The following DGKD variants were observed in gnomAD, a reference collection of about 807,000 sequenced individuals.
DGKD encodes diacylglycerol kinase delta.
DGKD carries 68 observed loss-of-function variants against 154.4 expected under a neutral mutation model. That is an observed-to-expected ratio of 0.44 (90% CI 0.36 to 0.54). The LOEUF (loss-of-function observed/expected upper bound fraction) is 0.54. Among genes scored for constraint, DGKD ranks in the 20% least tolerant of loss-of-function variants. The probability of loss-of-function intolerance (pLI) is 0.00; values close to 1 mark genes in which losing one functional copy is unlikely to be tolerated. For synonymous variants in DGKD, 693 were observed against 638.0 expected (o/e 1.09, Z -1.30); for missense variants, 1,343 against 1,593.6 (o/e 0.84, Z 2.68).
intron 12 of DGKD, chr2:233,447,448 C>T (rs2063118611): frequency 1.0e-6 from 1 of 983,314 alleles, no homozygotes; most frequent in Non-Finnish European, 1.2e-6. Context: ...GGCCTGCAGG[C>T]CAGATGTGCC....
At chr2:233,421,199 C>T (rs960473090) in intron 3 of DGKD, among the ~76,000 whole-genome samples, 5 of 152,132 alleles carry the variant, frequency 3.3e-5, no homozygotes, top group Admixed American at 6.5e-5. Context: ...CTGGCCCTGC[C>T]GCCACCCCAG....
At chr2:233,437,315 G>A in intron 7 of DGKD, 62 bp from the exon 8 acceptor site, 1 of 1,488,566 alleles carries the variant, frequency 6.7e-7, no homozygotes, top group Non-Finnish European at 9.4e-7. Flanking sequence ...CAGGGCAGGA[G>A]GATTTCTGGT....
chr2:233,360,445 G>A (rs960753282), intron 1 of DGKD, among the ~76,000 whole-genome samples: 3 of 152,044 alleles, frequency 2.0e-5, no homozygotes, highest in Admixed American at 6.5e-5. Flanking sequence ...ATGGAGACGA[G>A]GGTCTCACTA....
Position 233,445,564 on chromosome 2 carries a change from TG to T in DGKD, c.1195-56del, listed in dbSNP as rs1031149588. 24 of 1,528,472 alleles carry T rather than the reference TG, an allele frequency of 1.6e-5. No individual in the cohort carries two copies. In the African/African-American group the frequency reaches 2.8e-4, roughly 18 times the overall value. The allele number at this position is 1,528,472 out of a possible 1,614,324, so 94.7% of individuals were successfully genotyped here. On this transcript the variant is annotated intron_variant, in intron 10 of 29. Coordinates refer to ENST00000264057, the MANE Select transcript of DGKD (RefSeq NM_152879.3). This position sits in a 1 kb window ranked among gnomAD's most constrained non-coding sequence, Gnocchi z 5.5. ...GTGGGGGACAAGGAGGGCTGCGGGC[TG>T]GGAAGTGGCCCCTGCCCCCAGGTGT...
chr2:233,403,739 A>G (rs1379510446), intron 3 of DGKD, among the ~76,000 whole-genome samples: 1 of 151,302 alleles, frequency 6.6e-6, no homozygotes, highest in Non-Finnish European at 1.5e-5. Flanking sequence ...TCCCGGGTTC[A>G]AGCAATTCTC....
chr2:233,448,191 T>C lies in DGKD; in HGVS notation c.1514+10T>C. 1 of 1,614,200 alleles carries C rather than the reference T, an allele frequency of 6.2e-7. No individual in the cohort carries two copies. Among genetic ancestry groups the C allele is most frequent in the Non-Finnish European group, 8.5e-7 (1 of 1,180,032 alleles). On this transcript the variant is annotated intron_variant, in intron 13 of 29. Coordinates refer to ENST00000264057, the MANE Select transcript of DGKD (RefSeq NM_152879.3). ...TCATCTCCTCGGCCAAGTGAGTGCC[T>C]GGTGGCCCTGGGGAGGGCATGGTGC...
intron 1 of DGKD, among the ~76,000 whole-genome samples, chr2:233,387,742 T>G (rs1415997302): frequency 6.6e-6 from 1 of 152,140 alleles, no homozygotes; most frequent in East Asian, 1.9e-4. Context: ...ACGCCAGGCC[T>G]GTGAGTGGTG....
rs920700238 is a variant in DGKD at position 233,452,389 on chromosome 2, C to T, written c.2264+329C>T. On this transcript the variant is annotated intron_variant, in intron 18 of 29. Transcript: ENST00000264057. This position sits in a 1 kb window ranked among gnomAD's most constrained non-coding sequence, Gnocchi z 4.0. ...CAGGAGCTGCCCTTGTGCTGCTCTT[C>T]GTGGTCACTCTCCCATGATCTTGGC... is the stretch of plus-strand genomic sequence containing the variant. Among the ~76,000 whole-genome samples, 1 of 152,302 alleles carries T rather than the reference C, an allele frequency of 6.6e-6. No individual in the cohort carries two copies. Among genetic ancestry groups the T allele is most frequent in the African/African-American group, 2.4e-5 (1 of 41,560 alleles).
intron 3 of DGKD, among the ~76,000 whole-genome samples, chr2:233,415,529 G>A (rs1179560517): frequency 2.0e-5 from 3 of 152,228 alleles, no homozygotes; most frequent in African/African-American, 7.2e-5. Flanking sequence ...GATGAAGGAG[G>A]TTGTATAGGC....
intron 3 of DGKD, among the ~76,000 whole-genome samples, chr2:233,415,250 A>G (rs954629870): frequency 1.3e-5 from 2 of 152,262 alleles, no homozygotes; most frequent in Admixed American, 6.5e-5. Flanking sequence ...GGGACTCCTT[A>G]GCCCACAAAA....
Position 233,440,811 on chromosome 2 carries a change from G to A in DGKD, c.1086-1076G>A, listed in dbSNP as rs1290201584. ...AGAAAGGTCTTCCTGGAACTCATGG[G>A]GAGCTTTCAGGAAGGGTGTCAAGGT... On this transcript the variant is annotated intron_variant, in intron 9 of 29. Coordinates refer to ENST00000264057, the MANE Select transcript of DGKD (RefSeq NM_152879.3). The surrounding 1 kb of genome is among the most constrained non-coding windows in gnomAD (Gnocchi z 4.9). Among the ~76,000 whole-genome samples, 2 of 152,174 alleles carry A rather than the reference G, an allele frequency of 1.3e-5. No individual in the cohort carries two copies. Among genetic ancestry groups the A allele is most frequent in the East Asian group, 1.9e-4 (1 of 5,188 alleles).
chr2:233,429,837 T>C (rs2125574822), intron 3 of DGKD, among the ~76,000 whole-genome samples: 1 of 152,324 alleles, frequency 6.6e-6, no homozygotes, highest in African/African-American at 2.4e-5. Context: ...CCCCAGGTGT[T>C]CTTCTCCCAC....
chr2:233,388,496 G>GT, intron 2 of DGKD, 129 bp downstream of exon 2: 1 of 821,740 alleles, frequency 1.2e-6, no homozygotes, highest in Admixed American at 3.3e-5. Flanking sequence ...AGTGAGTTTT[G>GT]TAACACTCCA....
chr2:233,467,869 TTAA>T (rs2063874327), intron 28 of DGKD, among the ~76,000 whole-genome samples: 1 of 152,196 alleles, frequency 6.6e-6, no homozygotes, highest in African/African-American at 2.4e-5. Context: ...GGGGTTTCTG[TTAA>T]TAATGGTGGC....
chr2:233,417,541 G>A (rs79268172), intron 3 of DGKD, among the ~76,000 whole-genome samples: 1 of 151,592 alleles, frequency 6.6e-6, no homozygotes, highest in African/African-American at 2.4e-5. Flanking sequence ...GAGTATGAGG[G>A]TTTTTAGGAA....
chr2:233,465,927 A>G (rs111694704), intron 27 of DGKD, among the ~76,000 whole-genome samples: 1,563 of 152,288 alleles, frequency 0.01, 31 homozygotes, highest in African/African-American at 0.035. Context: ...AAGTAACAAT[A>G]TAAAAATAAA....
rs193029754 is a variant in DGKD, at chr2:233,420,459, G to A, written c.349-13921G>A. Among the ~76,000 whole-genome samples, 236 of 152,202 alleles carry A rather than the reference G, an allele frequency of 1.6e-3. 2 individuals are homozygous for A. Among genetic ancestry groups the A allele is most frequent in the Non-Finnish European group, 2.5e-3 (173 of 68,008 alleles). The stretch of plus-strand genomic sequence containing the variant: ...ACTTGGAATTCTCTTTCCTATCCTC[G>A]TTTCTTCCTGCTCCCCCTTCCCTGG... On this transcript the variant is annotated intron_variant, in intron 3 of 29. Coordinates refer to ENST00000264057, the MANE Select transcript of DGKD (RefSeq NM_152879.3).
intron 17 of DGKD, 70 bp downstream of exon 17, chr2:233,451,120 G>C: frequency 6.8e-7 from 1 of 1,475,572 alleles, no homozygotes; most frequent in Non-Finnish European, 9.2e-7. Context: ...AACTGAAAGA[G>C]ATGGGCTCGC....
At chr2:233,357,537 C>CTTTTTTTT (rs374813757) in intron 1 of DGKD, among the ~76,000 whole-genome samples, 9 of 129,222 alleles carry the variant, frequency 7.0e-5, no homozygotes, top group Non-Finnish European at 1.1e-4. Context: ...TTCTTTCTTT[C>CTTTTTTTT]TTTTTTTTTT....
Sources: gnomAD v4.1 joint callset for allele counts (sites outside exome capture counted in the v4.1 genomes callset) on GRCh38, gnomAD v4.1.1 for gene constraint, Gnocchi (gnomAD v3.1) non-coding constraint, MANE v1.5 for transcripts, NCBI Gene and HGNC (gene_info 2026-07-23, HGNC 2026-07-21) for gene names.